Variants in DNAH12 observed in about 807,000 individuals in gnomAD.
The protein encoded by DNAH12 is axonemal beta dynein heavy chain 12.
Under a neutral mutation model 371.5 loss-of-function variants are expected in DNAH12, and 285 were observed. That is an observed-to-expected ratio of 0.77 (90% confidence interval 0.70 to 0.85). DNAH12 has a LOEUF of 0.85. Among genes scored for constraint, DNAH12 ranks in the 40% least tolerant of loss-of-function variants. The probability of loss-of-function intolerance (pLI) is 0.00; values close to 1 mark genes in which losing one functional copy is unlikely to be tolerated. For missense variants in DNAH12, 3,611 were observed against 3,689.4 expected (o/e 0.98, Z 0.55); for synonymous variants, 1,200 against 1,213.0 (o/e 0.99, Z 0.22).
chr3:57,457,885 G>T lies in DNAH12; in HGVS notation c.3172C>A (p.Pro1058Thr). 6.4e-7 allele frequency: 1 copy of T among 1,551,600 alleles called. No individual in the cohort carries two copies. The highest frequency in any genetic ancestry group is 8.7e-7 in the Non-Finnish European group (1 of 1,146,978). ...TACATGGCTTTAATGTCCAAATTGGGAAGGAACTCTAATTTAGCAATGCCC... is the reference window on the plus strand; with the variant it reads ...TACATGGCTTTAATGTCCAAATTGGTAAGGAACTCTAATTTAGCAATGCCC... ...FEGIAKLEFL[P>T]NLDIKAMYSS... Residue 1058 changes from proline to threonine, a missense_variant, in exon 22 of 74, where the codon CCC (proline) becomes ACC (threonine). Physicochemically the swap from Pro to Thr is conservative, Grantham distance 38. Transcript: ENST00000495027.
intron 32 of DNAH12, among the ~76,000 whole-genome samples, chr3:57,432,615 T>C (rs1323491600): frequency 6.6e-6 from 1 of 152,100 alleles, no homozygotes; most frequent in Non-Finnish European, 1.5e-5. Context: ...TTAACAAAAC[T>C]GAACTACAGT....
At chr3:57,462,227 G>C (rs9883823) in intron 18 of DNAH12, among the ~76,000 whole-genome samples, 9 of 151,184 alleles carry the variant, frequency 6.0e-5, no homozygotes, top group South Asian at 2.1e-4. Flanking sequence ...ACACACTTTG[G>C]GGGGGAGGAA....
intron 52 of DNAH12, among the ~76,000 whole-genome samples, chr3:57,378,611 C>G (rs2063328509): frequency 6.6e-6 from 1 of 152,170 alleles, no homozygotes; most frequent in African/African-American, 2.4e-5. Context: ...AAGGGCAAAG[C>G]CTTTGTTGCC....
chr3:57,464,370 C>T (rs568877210), intron 17 of DNAH12, among the ~76,000 whole-genome samples: 2 of 152,238 alleles, frequency 1.3e-5, no homozygotes, highest in East Asian at 3.9e-4. Context: ...CAGCTTCCCA[C>T]ATTGCCAGAA....
intron 5 of DNAH12, among the ~76,000 whole-genome samples, chr3:57,510,303 G>A (rs1233666727): frequency 6.6e-6 from 1 of 152,022 alleles, no homozygotes; most frequent in Non-Finnish European, 1.5e-5. Flanking sequence ...CTTAAGTATA[G>A]ACTCAAAATA....
intron 60 of DNAH12, among the ~76,000 whole-genome samples, chr3:57,345,985 G>A (rs1559574774): frequency 2.0e-5 from 3 of 152,082 alleles, no homozygotes; most frequent in Non-Finnish European, 4.4e-5. Flanking sequence ...GACTGCTGCA[G>A]TTGAAACCCA....
At chr3:57,381,296 A>T (rs986814831) in intron 50 of DNAH12, among the ~76,000 whole-genome samples, 99,095 of 151,140 alleles carry the variant, frequency 0.66, 33,199 homozygotes, top group Non-Finnish European at 0.75. Flanking sequence ...AAGAGCCTAT[A>T]TATTTTCTTT....
Position 57,428,693 on chromosome 3 carries a change from C to G in DNAH12, c.5193G>C (p.Leu1731=), listed in dbSNP as rs75769303. 9.7e-6 allele frequency: 15 copies of G among 1,551,032 alleles called. No homozygotes were observed. Among genetic ancestry groups the G allele is most frequent in the Non-Finnish European group, 1.3e-5 (15 of 1,146,852 alleles). Residue 1731 remains leucine, a synonymous_variant, in exon 34 of 74, where the codon CTG becomes CTC. Transcript: ENST00000495027. Reference sequence around the variant, plus strand: ...GTATTAACCAGGCAAAAAGTCCTCTCAGAAGAGCTTGATATTCTGGTTCAC... The same window carrying G: ...GTATTAACCAGGCAAAAAGTCCTCTGAGAAGAGCTTGATATTCTGGTTCAC... ...PLCEPEYQAL[L]RGLFAWLIPP...
intron 13 of DNAH12, 115 bp from the exon 14 acceptor site, chr3:57,472,786 T>C: frequency 1.9e-6 from 2 of 1,073,050 alleles, no homozygotes; most frequent in Admixed American, 2.8e-5. Context: ...TGACTCAGAT[T>C]ATTAACTGAT....
At chr3:57,471,714 T>A in intron 14 of DNAH12, 108 bp from the exon 15 acceptor site, 1 of 929,310 alleles carries the variant, frequency 1.1e-6, no homozygotes, top group Non-Finnish European at 1.5e-6. Context: ...GAAGTAAAAA[T>A]GAGTACAAAA....
At chr3:57,299,951 G>C (rs961875674) in intron 70 of DNAH12, among the ~76,000 whole-genome samples, 5 of 152,194 alleles carry the variant, frequency 3.3e-5, no homozygotes, top group African/African-American at 1.2e-4. Context: ...GGCCCCACGT[G>C]GGGGAGAACA....
intron 2 of DNAH12, among the ~76,000 whole-genome samples, chr3:57,528,767 A>C (rs1559754718): frequency 6.6e-6 from 1 of 151,158 alleles, no homozygotes; most frequent in Non-Finnish European, 1.5e-5. Context: ...ATAAATGAAC[A>C]TGGAATATCT....
intron 35 of DNAH12, among the ~76,000 whole-genome samples, chr3:57,424,186 T>C (rs1008094968): frequency 6.6e-6 from 1 of 152,122 alleles, no homozygotes; most frequent in Non-Finnish European, 1.5e-5. Context: ...AATAGGATAG[T>C]TGACCGAGCA....
intron 38 of DNAH12, among the ~76,000 whole-genome samples, 192 bp downstream of exon 38, chr3:57,415,234 T>G (rs1478051074): frequency 6.6e-6 from 1 of 152,152 alleles, no homozygotes; most frequent in East Asian, 1.9e-4. Flanking sequence ...TAAAGCTCAG[T>G]AACCCACTAT....
At chr3:57,492,231 C>T (rs1265768568) in intron 11 of DNAH12, among the ~76,000 whole-genome samples, 4 of 151,858 alleles carry the variant, frequency 2.6e-5, no homozygotes, top group African/African-American at 7.3e-5. Context: ...GAGGCTGGGG[C>T]GGGCAGAGCA....
At chr3:57,314,725 T>A in intron 65 of DNAH12, 94 bp from the exon 66 acceptor site, 1 of 1,327,010 alleles carries the variant, frequency 7.5e-7, no homozygotes, top group Non-Finnish European at 1.0e-6. Context: ...TCTCACAAGA[T>A]TCTGTGATCA....
chr3:57,509,439 A>G (rs2067898718), intron 5 of DNAH12, among the ~76,000 whole-genome samples: 1 of 152,162 alleles, frequency 6.6e-6, no homozygotes, highest in Non-Finnish European at 1.5e-5. Context: ...TTCACATTCC[A>G]TCTACTCAAA....
intron 60 of DNAH12, among the ~76,000 whole-genome samples, chr3:57,351,645 G>A (rs1553660322): frequency 2.0e-5 from 3 of 152,108 alleles, no homozygotes; most frequent in African/African-American, 7.2e-5. Flanking sequence ...AGGAAAAGAA[G>A]CCAGATAAAA....
chr3:57,429,280 G>A (rs1315851097), intron 33 of DNAH12, among the ~76,000 whole-genome samples: 2 of 151,810 alleles, frequency 1.3e-5, no homozygotes, highest in African/African-American at 2.4e-5. Flanking sequence ...GGGTTCAAGC[G>A]ATTCTCCTGC....
Sources: allele counts gnomAD v4.1 joint callset (sites outside exome capture counted in the v4.1 genomes callset), GRCh38; gene constraint gnomAD v4.1.1; transcripts MANE v1.5; gene names NCBI Gene and HGNC (gene_info 2026-07-23, HGNC 2026-07-21).